The following CES5A variants were observed in gnomAD, a reference collection of about 807,000 sequenced individuals.
CES5A encodes the protein carboxylesterase 5A.
CES5A carries 67 observed loss-of-function variants against 62.9 expected under a neutral mutation model. The observed-to-expected ratio is 1.07, with a 90% CI of 0.88 to 1.31. CES5A has a LOEUF of 1.31. Among genes scored for constraint, CES5A ranks in the 50% most tolerant of loss-of-function variants. The pLI, the probability that CES5A is intolerant of heterozygous loss-of-function variation, is 0.00. For missense variants in CES5A, 748 were observed against 708.5 expected (o/e 1.06, Z -0.63); for synonymous variants, 296 against 280.8 (o/e 1.05, Z -0.54).
chr16:55,904,767 C>A (rs145539169), intron 1 of CES5A, among the ~76,000 whole-genome samples: 1 of 152,180 alleles, frequency 6.6e-6, no homozygotes, highest in East Asian at 1.9e-4. Flanking sequence ...ACCCACCTGG[C>A]ACAGCATAAT....
chr16:55,888,769 T>C (rs2142430850), intron 1 of CES5A, among the ~76,000 whole-genome samples: 1 of 152,332 alleles, frequency 6.6e-6, no homozygotes, highest in South Asian at 2.1e-4. Context: ...ATTCTAATTA[T>C]AGATGACAAG....
chr16:55,861,217 C>A (rs1305691658), intron 7 of CES5A, among the ~76,000 whole-genome samples, 195 bp downstream of exon 7: 3 of 152,214 alleles, frequency 2.0e-5, no homozygotes, highest in Non-Finnish European at 4.4e-5. Flanking sequence ...TAAGTTGAAC[C>A]CCTGCCCCAA....
chr16:55,862,441 T>A (rs1372461619), intron 6 of CES5A, among the ~76,000 whole-genome samples: 1 of 152,192 alleles, frequency 6.6e-6, no homozygotes, highest in Non-Finnish European at 1.5e-5. Context: ...CCCTCAAATT[T>A]AGGATGTGCT....
chr16:55,870,288 G>A (rs1322823645), intron 3 of CES5A, among the ~76,000 whole-genome samples: 2 of 151,766 alleles, frequency 1.3e-5, no homozygotes, highest in Non-Finnish European at 2.9e-5. Flanking sequence ...TGGAGGAGGT[G>A]AGAGGAGGAG....
chr16:55,883,430 C>A (rs2033782132), intron 1 of CES5A, among the ~76,000 whole-genome samples: 1 of 152,232 alleles, frequency 6.6e-6, no homozygotes, highest in Non-Finnish European at 1.5e-5. Context: ...CACCACCACA[C>A]CCAGCTAATT....
chr16:55,901,746 C>T (rs2033992551), intron 1 of CES5A, among the ~76,000 whole-genome samples: 1 of 152,240 alleles, frequency 6.6e-6, no homozygotes, highest in African/African-American at 2.4e-5. Context: ...ACACTTACAC[C>T]TCTCATTTTA....
chr16:55,923,982 G>T (rs1190096820), intron 1 of CES5A, among the ~76,000 whole-genome samples: 2 of 151,698 alleles, frequency 1.3e-5, no homozygotes, highest in Non-Finnish European at 3.0e-5. Context: ...AACAATTAAA[G>T]GCCTTTTCCC....
At chr16:55,956,002 G>T in exon 1 of CES5A, 1 of 1,119,524 alleles carries the variant, frequency 8.9e-7, no homozygotes. Context: ...AGTCAAATGA[G>T]TTCACCACTT....
chr16:55,890,034 T>C (rs1410273181), intron 1 of CES5A, among the ~76,000 whole-genome samples: 1 of 152,146 alleles, frequency 6.6e-6, no homozygotes, highest in Non-Finnish European at 1.5e-5. Flanking sequence ...CAGGAAAGCA[T>C]CAGAGTCACA....
At chr16:55,852,200 A>G (rs527437037) in intron 10 of CES5A, among the ~76,000 whole-genome samples, 1 of 152,338 alleles carries the variant, frequency 6.6e-6, no homozygotes, top group South Asian at 2.1e-4. Flanking sequence ...AAAATGGTAA[A>G]TTTTTTATTA....
At position 55,943,931 on chromosome 16, in the gene CES5A, G is replaced by A. The variant is rs1031905100; in HGVS notation, c.160+5854C>T. The A allele has an allele frequency of 1.1e-4, 77 of 671,136 alleles. No individual in the cohort carries two copies. In the Admixed American group the frequency reaches 1.4e-3, roughly 12 times the overall value. The allele number at this position is 671,136 out of a possible 1,614,324, so 41.6% of individuals were successfully genotyped here. On this transcript the variant is annotated intron_variant, in intron 2 of 13. Coordinates refer to the CES5A transcript ENST00000521992. The stretch of plus-strand genomic sequence containing the variant: ...CCAGTAAGAGGGTCTAGAGCTGAAG[G>A]GGCAGTATTCATCTTCTTCTGAAAC...
chr16:55,925,387 C>T (rs532708285), exon 1 of CES5A: 10 of 152,014 alleles, frequency 6.6e-5, no homozygotes, highest in South Asian at 2.1e-4. Context: ...GTGCAGAAAA[C>T]GGAGAACCCT....
intron 1 of CES5A, among the ~76,000 whole-genome samples, chr16:55,894,086 A>C (rs1343397260): frequency 6.6e-6 from 1 of 152,178 alleles, no homozygotes; most frequent in Non-Finnish European, 1.5e-5. Context: ...ATGAAAGAAA[A>C]ATAAGTGTTT....
chr16:55,896,287 C>G (rs1567344879), intron 1 of CES5A, among the ~76,000 whole-genome samples: 1 of 152,220 alleles, frequency 6.6e-6, no homozygotes, highest in African/African-American at 2.4e-5. Flanking sequence ...TTACTTCCCA[C>G]TGGGTCCTTC....
intron 9 of CES5A, among the ~76,000 whole-genome samples, chr16:55,854,532 T>TTTCTGTTTTCTTTCTTTTTTTTTTTTG (rs1491341397): frequency 3.4e-5 from 2 of 59,122 alleles, no homozygotes; most frequent in African/African-American, 6.2e-5. Flanking sequence ...GTAGTGTTTC[T>TTTCTGTTTTCTTTCTTTTTTTTTTTTG]TTTTTTTTTT....
intron 4 of CES5A, among the ~76,000 whole-genome samples, chr16:55,866,892 T>A (rs1459055571): frequency 6.6e-6 from 1 of 151,932 alleles, no homozygotes; most frequent in African/African-American, 2.4e-5. Flanking sequence ...TAACAGCAGC[T>A]GCAGCATGTA....
chr16:55,954,138 C>T (rs780715681), intron 1 of CES5A, among the ~76,000 whole-genome samples: 11 of 152,300 alleles, frequency 7.2e-5, no homozygotes, highest in East Asian at 5.8e-4. Context: ...TGAGTGAGGA[C>T]ATTCAAAATG....
At chr16:55,847,666 T>A (rs2024445) in intron 11 of CES5A, among the ~76,000 whole-genome samples, 102,841 of 151,938 alleles carry the variant, frequency 0.68, 35,391 homozygotes, top group East Asian at 0.78. Flanking sequence ...TTATTAAAAT[T>A]GATCTCATAT....
intron 1 of CES5A, among the ~76,000 whole-genome samples, chr16:55,892,249 C>A (rs1194110168): frequency 6.6e-6 from 1 of 152,102 alleles, no homozygotes; most frequent in Non-Finnish European, 1.5e-5. Context: ...CTGGAAGCCC[C>A]CACACACCCC....
Sources: gnomAD v4.1 joint callset for allele counts (sites outside exome capture counted in the v4.1 genomes callset) on GRCh38, gnomAD v4.1.1 for gene constraint, MANE v1.5 for transcripts, NCBI Gene and HGNC (gene_info 2026-07-23, HGNC 2026-07-21) for gene names.